Variants in TCAIM observed in about 807,000 individuals in gnomAD.
The protein encoded by TCAIM is T-cell activation inhibitor, mitochondrial.
TCAIM carries 36 observed loss-of-function variants against 58.6 expected under a neutral mutation model. That is an observed-to-expected ratio of 0.61 (90% CI 0.47 to 0.81). The LOEUF is 0.81. TCAIM is among the 30% of genes least tolerant of loss of function. TCAIM has a pLI of 0.00. For missense variants in TCAIM, 466 were observed against 579.6 expected (o/e 0.80, Z 2.01); for synonymous variants, 172 against 193.6 (o/e 0.89, Z 0.93).
At chr3:44,357,609 T>G in intron 2 of TCAIM, 132 bp from the exon 3 acceptor site, 1 of 1,219,984 alleles carries the variant, frequency 8.2e-7, no homozygotes, top group Non-Finnish European at 1.1e-6. Flanking sequence ...ACTAATAGAT[T>G]TCAGAAAACC....
intron 6 of TCAIM, among the ~76,000 whole-genome samples, chr3:44,395,402 T>G (rs571034647): frequency 6.6e-6 from 1 of 152,300 alleles, no homozygotes; most frequent in East Asian, 1.9e-4. Context: ...CCTCATTTGA[T>G]GCCTACTATC....
At chr3:44,405,473 G>A (rs1383580130) in intron 10 of TCAIM, among the ~76,000 whole-genome samples, 3 of 152,180 alleles carry the variant, frequency 2.0e-5, no homozygotes, top group Non-Finnish European at 4.4e-5. Flanking sequence ...TGGAGTTCAA[G>A]ACCAGTCTGG....
rs370801984 is a variant in TCAIM at position 44,399,574 on chromosome 3, G to A, written c.886-781G>A. On this transcript the variant is annotated intron_variant, in intron 8 of 10. Coordinates refer to ENST00000342649, the MANE Select transcript of TCAIM (RefSeq NM_173826.4). Reference sequence around the variant, plus strand: ...TTCTCTTTCCACTCAATCGCAGCAGGTCACATGCCAGCCATACCAAACTCC... The same window carrying A: ...TTCTCTTTCCACTCAATCGCAGCAGATCACATGCCAGCCATACCAAACTCC... Among the ~76,000 whole-genome samples, 5 of 152,124 alleles carry A rather than the reference G, an allele frequency of 3.3e-5. No individual in the cohort carries two copies. The East Asian group carries it at 5.8e-4, about 18-fold the overall frequency.
intron 1 of TCAIM, among the ~76,000 whole-genome samples, chr3:44,346,896 G>C (rs1312405541): frequency 6.6e-6 from 1 of 152,192 alleles, no homozygotes; most frequent in Non-Finnish European, 1.5e-5. Context: ...GGGAGAGCTA[G>C]TATGGGAGCA....
At chr3:44,396,637 CT>C (rs968422624) in intron 7 of TCAIM, 105 bp from the exon 8 acceptor site, 26 of 1,422,558 alleles carry the variant, frequency 1.8e-5, no homozygotes, top group Non-Finnish European at 2.5e-5. Flanking sequence ...TAAAATTAGC[CT>C]TTAAGCTTCT....
At chr3:44,364,047 G>C (rs904260782) in intron 4 of TCAIM, among the ~76,000 whole-genome samples, 5 of 144,930 alleles carry the variant, frequency 3.4e-5, no homozygotes, top group African/African-American at 1.3e-4. Flanking sequence ...TTCTGCCTCA[G>C]CCTCCTGAGT....
chr3:44,338,763 T>G (rs1458124135), upstream of TCAIM: 1 of 152,272 alleles, frequency 6.6e-6, no homozygotes, highest in African/African-American at 2.4e-5. Flanking sequence ...GCGACTGTCC[T>G]CCCTTCTGGT....
intron 4 of TCAIM, among the ~76,000 whole-genome samples, chr3:44,364,933 C>T (rs1037213499): frequency 2.4e-4 from 37 of 152,098 alleles, no homozygotes; most frequent in African/African-American, 8.9e-4. Flanking sequence ...GCTTGGAATT[C>T]TCTCCCCAAA....
Position 44,400,497 on chromosome 3 carries a change from C to T in TCAIM, c.1028C>T (p.Ser343Phe), listed in dbSNP as rs201334117. ...GTATTGACACTTGAAGAATATTACT[C>T]TCTTCTTGATGTGTTTTATAATAGA... The part of the protein sequence containing the change: ...QPVLTLEEYY[S>F]LLDVFYNRLL... Residue 343 changes from serine to phenylalanine, a missense_variant, in exon 9 of 11, where the codon TCT becomes TTT. Physicochemically the swap from Ser to Phe is radical, Grantham distance 155. Coordinates refer to ENST00000342649, the MANE Select transcript of TCAIM (RefSeq NM_173826.4). The T allele has an allele frequency of 1.9e-6, 3 of 1,613,402 alleles. No individual in the cohort carries two copies. In the East Asian group the frequency reaches 6.7e-5, roughly 36 times the overall value.
intron 10 of TCAIM, among the ~76,000 whole-genome samples, chr3:44,402,282 A>G (rs1358875645): frequency 1.3e-5 from 2 of 151,308 alleles, no homozygotes; most frequent in East Asian, 2.0e-4. Flanking sequence ...GCATGGCACC[A>G]TGCCTGTATC....
At chr3:44,393,018 A>T in intron 6 of TCAIM, 41 bp downstream of exon 6, 1 of 1,570,940 alleles carries the variant, frequency 6.4e-7, no homozygotes, top group South Asian at 1.2e-5. Context: ...ATTGAAATGA[A>T]TATGAATTAC....
Position 44,357,757 on chromosome 3 carries a change from A to C in TCAIM, c.46A>C (p.Ile16Leu). 4.3e-6 allele frequency: 7 copies of C among 1,614,126 alleles called. No homozygotes were observed. Among genetic ancestry groups the C allele is most frequent in the Non-Finnish European group, 5.9e-6 (7 of 1,180,016 alleles). Reference protein sequence around the residue: ...RPMRRLCLEKIFPHWFPFSRA... With the variant: ...RPMRRLCLEKLFPHWFPFSRA... ...TTTTAAAAGGTTATGTCTAGAGAAG[A>C]TATTTCCACACTGGTTTCCCTTTTC... is the stretch of plus-strand genomic sequence containing the variant. Residue 16 changes from isoleucine to leucine, a missense_variant, in exon 3 of 11, where the codon ATA becomes CTA. Coordinates refer to ENST00000342649, the MANE Select transcript of TCAIM (RefSeq NM_173826.4).
chr3:44,405,242 G>A (rs1702081938), intron 10 of TCAIM, among the ~76,000 whole-genome samples: 2 of 152,106 alleles, frequency 1.3e-5, no homozygotes, highest in Admixed American at 1.3e-4. Context: ...TGTTTTTATA[G>A]TAACCCACTC....
At chr3:44,356,283 T>C (rs1234530001) in intron 2 of TCAIM, among the ~76,000 whole-genome samples, 4 of 152,188 alleles carry the variant, frequency 2.6e-5, no homozygotes, top group Non-Finnish European at 4.4e-5. Context: ...TCCCAGCACT[T>C]TGGGAGGCCG....
chr3:44,364,745 C>CAA (rs199676357), intron 4 of TCAIM, among the ~76,000 whole-genome samples: 17 of 91,528 alleles, frequency 1.9e-4, no homozygotes, highest in African/African-American at 5.7e-4. Flanking sequence ...GACCCTGTCT[C>CAA]AAAAAAAAAA....
intron 7 of TCAIM, 119 bp from the exon 8 acceptor site, chr3:44,396,624 G>C (rs1701939532): frequency 3.6e-6 from 5 of 1,399,548 alleles, no homozygotes; most frequent in Non-Finnish European, 4.9e-6. Context: ...TAAAGCAGTG[G>C]CATAAAATTA....
chr3:44,365,341 T>C (rs1007836724), intron 4 of TCAIM, among the ~76,000 whole-genome samples: 5 of 152,186 alleles, frequency 3.3e-5, no homozygotes, highest in Non-Finnish European at 7.3e-5. Flanking sequence ...ATACTTTTTT[T>C]TTTTTTGAGG....
chr3:44,350,394 A>G (rs936580575), intron 1 of TCAIM, among the ~76,000 whole-genome samples: 17 of 151,418 alleles, frequency 1.1e-4, no homozygotes, highest in South Asian at 2.1e-4. Flanking sequence ...AGGCCTGACA[A>G]TTACCTCCCG....
chr3:44,357,723 T>G lies in TCAIM; in HGVS notation c.30-18T>G, dbSNP rs770960474. 6.2e-7 allele frequency: 1 copy of G among 1,613,490 alleles called. No homozygotes were observed. The highest frequency in any genetic ancestry group is 1.1e-5 in the South Asian group (1 of 90,920). ...TGTGAGTGCCTCAATGAATAACCAGTCCACATCTTTTTAAAAGGTTATGTC... is the reference window on the plus strand; with the variant it reads ...TGTGAGTGCCTCAATGAATAACCAGGCCACATCTTTTTAAAAGGTTATGTC... On this transcript the variant is annotated intron_variant, in intron 2 of 10. Coordinates refer to ENST00000342649, the MANE Select transcript of TCAIM (RefSeq NM_173826.4).
Sources: gnomAD v4.1 joint callset for allele counts (sites outside exome capture counted in the v4.1 genomes callset) on GRCh38, gnomAD v4.1.1 for gene constraint, MANE v1.5 for transcripts, NCBI Gene and HGNC (gene_info 2026-07-23, HGNC 2026-07-21) for gene names.